The following TDRP variants were observed in gnomAD, a reference collection of about 807,000 sequenced individuals.
The protein encoded by TDRP is testis development related protein.
A neutral mutation model predicts 10.5 loss-of-function variants in TDRP; 12 were observed. The observed-to-expected ratio is 1.15, with a 90% CI of 0.73 to 1.86. The LOEUF (loss-of-function observed/expected upper bound fraction) is 1.86, where lower values mean the gene tolerates loss of function less well. Among genes scored for constraint, TDRP ranks in the 40% most tolerant of loss-of-function variants. The pLI is 0.00. For missense variants in TDRP, 353 were observed against 229.2 expected (o/e 1.54, Z -3.49); for synonymous variants, 139 against 95.4 (o/e 1.46, Z -2.67).
intron 1 of TDRP, among the ~76,000 whole-genome samples, chr8:501,494 TG>T (rs1801299190): frequency 6.6e-6 from 1 of 151,816 alleles, no homozygotes; most frequent in African/African-American, 2.4e-5. Context: ...TTACAGGCGA[TG>T]GCCACCACAC....
chr8:490,387 G>A lies in TDRP; in HGVS notation c.*2012C>T, dbSNP rs546439458. 2.6e-4 allele frequency: 39 copies of A among 152,270 alleles called. No homozygotes were observed. Among genetic ancestry groups the A allele is most frequent in the African/African-American group, 7.5e-4 (31 of 41,546 alleles). 9.4% of individuals were successfully genotyped at this position (152,270 alleles called of 1,614,324 possible). A position where few individuals can be genotyped will look rare whatever the true frequency, so the allele number is the denominator to read the frequency against. The stretch of plus-strand genomic sequence containing the variant: ...TAAAGAACTATTTTGCCAACTGTGC[G>A]TCACAATTCTATGATTGACGTGAGT... On this transcript the variant is annotated 3_prime_UTR_variant, in exon 3 of 3. Coordinates refer to ENST00000324079, the MANE Select transcript of TDRP (RefSeq NM_001384899.1).
At chr8:509,450 C>A (rs372509606) in intron 1 of TDRP, among the ~76,000 whole-genome samples, 1 of 152,192 alleles carries the variant, frequency 6.6e-6, no homozygotes, top group Admixed American at 6.5e-5. Context: ...TCGGTGCAGT[C>A]GTAGGACCAA....
At chr8:524,283 A>T (rs1470661457) in intron 1 of TDRP, among the ~76,000 whole-genome samples, 1 of 152,148 alleles carries the variant, frequency 6.6e-6, no homozygotes, top group Non-Finnish European at 1.5e-5. Context: ...AGATCACAAC[A>T]CCCAAGTCCC....
chr8:502,064 T>C (rs748264841), intron 1 of TDRP, among the ~76,000 whole-genome samples: 17 of 152,216 alleles, frequency 1.1e-4, no homozygotes, highest in African/African-American at 3.4e-4. Flanking sequence ...GGCATCGCCA[T>C]TGGCTACCAC....
intron 1 of TDRP, among the ~76,000 whole-genome samples, chr8:517,516 C>T (rs1426544948): frequency 6.6e-6 from 1 of 152,214 alleles, no homozygotes; most frequent in Non-Finnish European, 1.5e-5. Flanking sequence ...CATTCCATTC[C>T]TTTCTGACTT....
chr8:516,245 G>GAC (rs1801755386), intron 1 of TDRP, among the ~76,000 whole-genome samples: 1 of 152,160 alleles, frequency 6.6e-6, no homozygotes, highest in African/African-American at 2.4e-5. Context: ...TCTCCCCCAA[G>GAC]TGAGCTACTA....
At chr8:530,419 C>T (rs1212936664) in intron 1 of TDRP, among the ~76,000 whole-genome samples, 1 of 152,044 alleles carries the variant, frequency 6.6e-6, no homozygotes, top group Non-Finnish European at 1.5e-5. Context: ...CTTCATATGT[C>T]TCATTATTTT....
At chr8:518,368 A>C (rs1003381905) in intron 1 of TDRP, among the ~76,000 whole-genome samples, 1 of 152,222 alleles carries the variant, frequency 6.6e-6, no homozygotes, top group Non-Finnish European at 1.5e-5. Flanking sequence ...AGGCATGGGT[A>C]CACATAAGTC....
intron 1 of TDRP, among the ~76,000 whole-genome samples, chr8:502,945 C>T (rs1801345162): frequency 6.6e-6 from 1 of 151,888 alleles, no homozygotes; most frequent in Non-Finnish European, 1.5e-5. Flanking sequence ...GAATCCAGAG[C>T]CACACACTGG....
intron 1 of TDRP, among the ~76,000 whole-genome samples, chr8:538,917 C>A (rs1802418909): frequency 6.6e-6 from 1 of 152,164 alleles, no homozygotes. Flanking sequence ...AAACCAGGAC[C>A]GCCTCTTTCA....
At chr8:524,807 G>A (rs1015082023) in intron 1 of TDRP, among the ~76,000 whole-genome samples, 1 of 152,144 alleles carries the variant, frequency 6.6e-6, no homozygotes, top group Admixed American at 6.5e-5. Flanking sequence ...CTTGCTTACA[G>A]GATCTAGAAA....
At chr8:494,438 T>G in intron 2 of TDRP, 56 bp downstream of exon 2, 1 of 1,542,200 alleles carries the variant, frequency 6.5e-7, no homozygotes, top group Admixed American at 1.7e-5. Flanking sequence ...TTCCACCTCC[T>G]CAGTGACTTC....
At chr8:493,606 A>G (rs551636469) in intron 2 of TDRP, among the ~76,000 whole-genome samples, 2 of 152,274 alleles carry the variant, frequency 1.3e-5, no homozygotes, top group Non-Finnish European at 2.9e-5. Context: ...GCCATTGGTA[A>G]TATCATTGGG....
intron 1 of TDRP, among the ~76,000 whole-genome samples, chr8:507,816 G>A (rs749463001): frequency 3.9e-5 from 6 of 152,178 alleles, no homozygotes; most frequent in Non-Finnish European, 8.8e-5. Flanking sequence ...GTGGGCACTA[G>A]GCTTAATACC....
At chr8:501,121 C>G (rs7841015) in intron 1 of TDRP, among the ~76,000 whole-genome samples, 38,338 of 151,296 alleles carry the variant, frequency 0.25, 4,803 homozygotes, top group East Asian at 0.26. Flanking sequence ...AGGAGAATGG[C>G]GTGAACCCGA....
At chr8:493,014 A>G (rs2116707001) in intron 2 of TDRP, among the ~76,000 whole-genome samples, 1 of 152,322 alleles carries the variant, frequency 6.6e-6, no homozygotes, top group African/African-American at 2.4e-5. Context: ...TTATCACACA[A>G]GAGAGAACCT....
intron 2 of TDRP, among the ~76,000 whole-genome samples, chr8:493,771 T>A (rs376847908): frequency 6.6e-6 from 1 of 151,184 alleles, no homozygotes; most frequent in East Asian, 1.9e-4. Flanking sequence ...TTTTTTTTGG[T>A]GGTGGTTGTT....
At chr8:509,837 C>A (rs1045690331) in intron 1 of TDRP, among the ~76,000 whole-genome samples, 2 of 152,182 alleles carry the variant, frequency 1.3e-5, no homozygotes, top group African/African-American at 4.8e-5. Flanking sequence ...AACTTTGACG[C>A]CTGTTTCCCT....
intron 1 of TDRP, among the ~76,000 whole-genome samples, chr8:504,582 G>T (rs1801404735): frequency 6.6e-6 from 1 of 152,234 alleles, no homozygotes; most frequent in Non-Finnish European, 1.5e-5. Context: ...CGCAGACAGT[G>T]CAAACCGTAA....
Sources: gnomAD v4.1 joint callset for allele counts (sites outside exome capture counted in the v4.1 genomes callset) on GRCh38, gnomAD v4.1.1 for gene constraint, MANE v1.5 for transcripts, NCBI Gene and HGNC (gene_info 2026-07-23, HGNC 2026-07-21) for gene names.